RIMS2: variants seen among roughly 807,000 people sequenced by gnomAD.
The protein encoded by RIMS2 is regulating synaptic membrane exocytosis 2.
A neutral mutation model predicts 174.4 loss-of-function variants in RIMS2; 59 were observed. The observed-to-expected ratio is 0.34, with a 90% CI of 0.27 to 0.42. RIMS2 has a LOEUF of 0.42. Ranked by LOEUF, RIMS2 falls within the 10% of genes least tolerant of loss-of-function variation. The pLI is 1.00. For synonymous variants in RIMS2, 606 were observed against 572.5 expected (o/e 1.06, Z -0.84); for missense variants, 1,620 against 1,666.3 (o/e 0.97, Z 0.48).
At chr8:104,060,117 A>G (rs1293886710) in intron 19 of RIMS2, among the ~76,000 whole-genome samples, 3 of 151,586 alleles carry the variant, frequency 2.0e-5, no homozygotes, top group East Asian at 1.9e-4. Context: ...CTCTTTTTCT[A>G]TTGATTGGAA....
chr8:104,176,639 T>C (rs1554580103), intron 19 of RIMS2, among the ~76,000 whole-genome samples: 1 of 151,322 alleles, frequency 6.6e-6, no homozygotes, highest in Non-Finnish European at 1.5e-5. Context: ...CTAATGAAAA[T>C]GATTCATATA....
chr8:104,188,256 T>TAGAC (rs1226962314), intron 19 of RIMS2, among the ~76,000 whole-genome samples: 2 of 146,790 alleles, frequency 1.4e-5, no homozygotes, highest in East Asian at 4.1e-4. Flanking sequence ...GATAGATAGA[T>TAGAC]AGATAGATAG....
chr8:103,895,407 A>C lies in RIMS2; in HGVS notation c.1624+9184A>C, dbSNP rs190563532. Among the ~76,000 whole-genome samples the C allele has an allele frequency of 7.3e-5, 11 of 151,596 alleles. 1 individual carries two copies. Among genetic ancestry groups the C allele is most frequent in the African/African-American group, 2.2e-4 (9 of 41,062 alleles). ...AGTGTCTAGTGGGGGCCCTCTTTCC[A>C]AGTTGCAAATAGCTCTTTTTGCTGT... On this transcript the variant is annotated intron_variant, in intron 4 of 23. Coordinates refer to ENST00000504942, the Ensembl canonical transcript of RIMS2.
At chr8:103,951,604 G>A (rs548221133) in intron 14 of RIMS2, among the ~76,000 whole-genome samples, 5 of 152,256 alleles carry the variant, frequency 3.3e-5, no homozygotes, top group South Asian at 2.1e-4. Flanking sequence ...TTCACATCCC[G>A]CAGACCAGGA....
intron 17 of RIMS2, among the ~76,000 whole-genome samples, chr8:103,997,327 G>A (rs578025019): frequency 6.6e-6 from 1 of 151,820 alleles, no homozygotes; most frequent in East Asian, 1.9e-4. Context: ...CATCTCTTTT[G>A]GTGCAGAAGA....
chr8:103,549,548 A>G (rs964778709), intron 1 of RIMS2, among the ~76,000 whole-genome samples: 2 of 152,248 alleles, frequency 1.3e-5, no homozygotes, highest in Admixed American at 6.5e-5. Flanking sequence ...AATGCTAGGA[A>G]GAAACTGCAT....
chr8:103,665,544 A>C (rs907626411), intron 1 of RIMS2, among the ~76,000 whole-genome samples: 1 of 152,224 alleles, frequency 6.6e-6, no homozygotes, highest in African/African-American at 2.4e-5. Context: ...TATCTGACCT[A>C]TTCAAGATAG....
chr8:103,608,958 T>C (rs1185699669), intron 1 of RIMS2, among the ~76,000 whole-genome samples: 2 of 152,194 alleles, frequency 1.3e-5, no homozygotes, highest in Non-Finnish European at 2.9e-5. Context: ...TCTTCTGCGT[T>C]GCTCACGCTG....
chr8:103,958,645 C>CA (rs1372383141), intron 14 of RIMS2, among the ~76,000 whole-genome samples: 4 of 152,002 alleles, frequency 2.6e-5, no homozygotes, highest in Non-Finnish European at 5.9e-5. Flanking sequence ...GCACCATGTA[C>CA]AAAAAACTAA....
chr8:104,022,333 CAGCTTGGAGATTAGA>C (rs1324088441), intron 19 of RIMS2, among the ~76,000 whole-genome samples: 3 of 152,026 alleles, frequency 2.0e-5, no homozygotes, highest in Non-Finnish European at 1.5e-5. Flanking sequence ...TGATTAAAGA[CAGCTTGGAGATTAGA>C]AGCAAGATGG....
intron 19 of RIMS2, among the ~76,000 whole-genome samples, chr8:104,079,799 T>C (rs763480090): frequency 6.6e-6 from 1 of 151,584 alleles, no homozygotes; most frequent in Non-Finnish European, 1.5e-5. Context: ...ACGGTGACTA[T>C]ATTATTCATC....
At chr8:103,796,503 A>G (rs1385836649) in intron 3 of RIMS2, among the ~76,000 whole-genome samples, 1 of 152,108 alleles carries the variant, frequency 6.6e-6, no homozygotes, top group Non-Finnish European at 1.5e-5. Context: ...GAGACTCACT[A>G]TTATTTATCT....
chr8:104,001,473 A>G (rs1216475235), intron 17 of RIMS2, among the ~76,000 whole-genome samples: 3 of 152,006 alleles, frequency 2.0e-5, no homozygotes, highest in African/African-American at 7.2e-5. Context: ...ACATCCTTGA[A>G]TCTACCACCC....
intron 3 of RIMS2, among the ~76,000 whole-genome samples, chr8:103,858,662 CAT>C (rs1447716199): frequency 4.1e-5 from 6 of 145,548 alleles, no homozygotes; most frequent in African/African-American, 7.6e-5. Context: ...AAACCTTAAC[CAT>C]ATATATATAT....
chr8:103,863,051 G>A (rs1040873479), intron 3 of RIMS2, among the ~76,000 whole-genome samples: 1 of 152,004 alleles, frequency 6.6e-6, no homozygotes, highest in Admixed American at 6.6e-5. Context: ...CTGCTTCTTA[G>A]GGAGAATGCT....
intron 2 of RIMS2, among the ~76,000 whole-genome samples, chr8:103,734,512 G>A (rs1323922759): frequency 1.5e-5 from 2 of 130,090 alleles, no homozygotes; most frequent in South Asian, 2.4e-4. Flanking sequence ...TTCTTTTTTT[G>A]TCTTCTGAAC....
chr8:103,794,245 A>C (rs1344130904), intron 3 of RIMS2, among the ~76,000 whole-genome samples: 4 of 152,208 alleles, frequency 2.6e-5, no homozygotes, highest in African/African-American at 9.6e-5. Flanking sequence ...ATATAGACCA[A>C]TGGAACAGAA....
chr8:104,214,197 T>G (rs1246854236), intron 19 of RIMS2, among the ~76,000 whole-genome samples: 1 of 152,206 alleles, frequency 6.6e-6, no homozygotes, highest in Non-Finnish European at 1.5e-5. Flanking sequence ...TGCCTCTCCT[T>G]GTAATTACTT....
At chr8:104,026,848 TA>T (rs1455750599) in intron 19 of RIMS2, among the ~76,000 whole-genome samples, 1 of 152,130 alleles carries the variant, frequency 6.6e-6, no homozygotes, top group East Asian at 1.9e-4. Context: ...TGAATGCTAC[TA>T]GGGCAGGGAG....
Sources: gnomAD v4.1 joint callset for allele counts (sites outside exome capture counted in the v4.1 genomes callset) on GRCh38, gnomAD v4.1.1 for gene constraint, MANE v1.5 for transcripts, NCBI Gene and HGNC (gene_info 2026-07-23, HGNC 2026-07-21) for gene names.